The following KIF13A variants were observed in gnomAD, a reference collection of about 807,000 sequenced individuals.
KIF13A encodes the protein kinesin family member 13A, also known as kinesin-like protein KIF13A.
KIF13A carries 79 observed loss-of-function variants against 212.2 expected under a neutral mutation model. The observed-to-expected ratio is 0.37, with a 90% CI of 0.31 to 0.45. The LOEUF (loss-of-function observed/expected upper bound fraction) is 0.45, where lower values mean the gene tolerates loss of function less well. Ranked by LOEUF, KIF13A falls within the 20% of genes least tolerant of loss-of-function variation. The pLI, the probability that KIF13A is intolerant of heterozygous loss-of-function variation, is 1.00. For synonymous variants in KIF13A, 789 were observed against 808.6 expected (o/e 0.98, Z 0.41); for missense variants, 1,901 against 2,209.0 (o/e 0.86, Z 2.79).
chr6:17,875,456 C>CTTTTT (rs758607280), intron 3 of KIF13A, among the ~76,000 whole-genome samples: 36 of 137,148 alleles, frequency 2.6e-4, no homozygotes, highest in African/African-American at 9.5e-4. Context: ...TTTTCTTTTC[C>CTTTTT]TTTTTTTTTT....
chr6:17,859,638 A>ATATATATTTTTTTTTTTTTTTTTTT (rs1461455926), intron 4 of KIF13A, among the ~76,000 whole-genome samples: 1 of 111,858 alleles, frequency 8.9e-6, no homozygotes, highest in Non-Finnish European at 1.8e-5. Flanking sequence ...ATATATATAT[A>ATATATATTTTTTTTTTTTTTTTTTT]TTTTTTTTTT....
chr6:17,874,252 T>C (rs1770283916), intron 3 of KIF13A, among the ~76,000 whole-genome samples: 2 of 149,808 alleles, frequency 1.3e-5, no homozygotes, highest in African/African-American at 2.4e-5. Flanking sequence ...GCAGGCAATC[T>C]CCAGCAAAGC....
chr6:17,860,885 C>A (rs1395911031), intron 4 of KIF13A, among the ~76,000 whole-genome samples: 1 of 152,076 alleles, frequency 6.6e-6, no homozygotes, highest in Non-Finnish European at 1.5e-5. Context: ...ATAAATGCGT[C>A]AACACACTAT....
At position 17,898,495 on chromosome 6, in the gene KIF13A, AG is replaced by A. The variant is rs1313052025; in HGVS notation, c.147-316del. Among the ~76,000 whole-genome samples the A allele has an allele frequency of 2.6e-5, 4 of 152,222 alleles. No homozygotes were observed. The highest frequency in any genetic ancestry group is 5.9e-5 in the Non-Finnish European group (4 of 68,040). ...AAGAAATGCCAAAGGAAGAGCATCA[AG>A]ATAAAGAAAGATGCCACAATCCTTA... On this transcript the variant is annotated intron_variant, in intron 2 of 38. Coordinates refer to ENST00000259711, the MANE Select transcript of KIF13A (RefSeq NM_022113.6). The surrounding 1 kb of genome is among the most constrained non-coding windows in gnomAD (Gnocchi z 5.2).
At chr6:17,977,114 C>CAAAAAAAAAAAAAAAAAAA (rs398000718) in intron 2 of KIF13A, among the ~76,000 whole-genome samples, 4 of 106,698 alleles carry the variant, frequency 3.7e-5, no homozygotes, top group African/African-American at 3.3e-5. Flanking sequence ...AAAACAACAA[C>CAAAAAAAAAAAAAAAAAAA]AAAAAAAAAA....
At chr6:17,780,109 T>C (rs1475281310) in intron 31 of KIF13A, among the ~76,000 whole-genome samples, 2 of 152,214 alleles carry the variant, frequency 1.3e-5, no homozygotes, top group Admixed American at 1.3e-4. Context: ...AAATGCAGAA[T>C]ACTCAGCATA....
chr6:17,799,019 T>A lies in KIF13A; in HGVS notation c.2790+247A>T, dbSNP rs1762268688. 6.6e-6 allele frequency among the ~76,000 whole-genome samples: 1 copy of A among 152,244 alleles called. No individual in the cohort carries two copies. Among genetic ancestry groups the A allele is most frequent in the Non-Finnish European group, 1.5e-5 (1 of 68,046 alleles). On this transcript the variant is annotated intron_variant, in intron 22 of 38. Coordinates refer to ENST00000259711, the MANE Select transcript of KIF13A (RefSeq NM_022113.6). This position sits in a 1 kb window ranked among gnomAD's most constrained non-coding sequence, Gnocchi z 4.4. ...ATGCAGAGCATAGAAAGTAGTTTAA[T>A]GAAATATGTAGCAACCTGTCACTGG...
Position 17,764,998 on chromosome 6 carries a change from G to GGTTT in KIF13A, c.4582-53_4582-52insAAAC, listed in dbSNP as rs1581840886. The GGTTT allele has an allele frequency of 1.5e-6, 2 of 1,337,470 alleles. No homozygotes were observed. The highest frequency in any genetic ancestry group is 4.8e-5 in the East Asian group (2 of 41,706). The allele number at this position is 1,337,470 out of a possible 1,614,324, so 82.9% of individuals were successfully genotyped here. On this transcript the variant is annotated intron_variant, in intron 38 of 38. Coordinates refer to ENST00000259711, the MANE Select transcript of KIF13A (RefSeq NM_022113.6). This position sits in a 1 kb window ranked among gnomAD's most constrained non-coding sequence, Gnocchi z 5.1. ...ATTAGCTCCTTGTAGCAACTGTACTGTTGAGACAAGTTTTAAATACTTGGC... is the reference window on the plus strand; with the variant it reads ...ATTAGCTCCTTGTAGCAACTGTACTGGTTTTTGAGACAAGTTTTAAATACTTGGC...
chr6:17,923,153 A>AT (rs1399874097), intron 2 of KIF13A, among the ~76,000 whole-genome samples: 2 of 151,918 alleles, frequency 1.3e-5, no homozygotes, highest in Non-Finnish European at 2.9e-5. Flanking sequence ...AGGTGCCTGT[A>AT]TTCCCAGTTA....
In KIF13A at chr6:17,883,631, G is replaced by A. The variant is rs1771281495; in HGVS notation, c.160-10194C>T. Among the ~76,000 whole-genome samples the A allele has an allele frequency of 6.6e-6, 1 of 152,154 alleles. No individual in the cohort carries two copies. The highest frequency in any genetic ancestry group is 1.5e-5 in the Non-Finnish European group (1 of 68,034). The stretch of plus-strand genomic sequence containing the variant: ...CCACTGCTTTCCCAAAAAGACATAA[G>A]AAATGACCCTATTCATCTGTATATT... On this transcript the variant is annotated intron_variant, in intron 3 of 38. Coordinates refer to ENST00000259711, the MANE Select transcript of KIF13A (RefSeq NM_022113.6). The surrounding 1 kb of genome is among the most constrained non-coding windows in gnomAD (Gnocchi z 4.8).
intron 2 of KIF13A, among the ~76,000 whole-genome samples, chr6:17,979,767 GA>G (rs775604671): frequency 5.4e-4 from 72 of 132,992 alleles, no homozygotes; most frequent in East Asian, 6.5e-4. Context: ...AAGATGGTTT[GA>G]AAAAAAAAAA....
At chr6:17,760,757 C>A, downstream of KIF13A, 1 of 1,253,262 alleles carries the variant, frequency 8.0e-7, no homozygotes, top group Non-Finnish European at 1.2e-6. Context: ...GAGGTCCAGC[C>A]AGGCGGCAGC....
intron 3 of KIF13A, among the ~76,000 whole-genome samples, chr6:17,880,800 TG>T (rs1180299211): frequency 6.6e-6 from 1 of 152,046 alleles, no homozygotes; most frequent in Non-Finnish European, 1.5e-5. Context: ...TTGCTGTTGT[TG>T]CAAAGATGGG....
chr6:17,852,730 A>C (rs1490144452), intron 6 of KIF13A, among the ~76,000 whole-genome samples: 1 of 152,212 alleles, frequency 6.6e-6, no homozygotes, highest in Non-Finnish European at 1.5e-5. Context: ...AAATTTTTGA[A>C]TTACTAGTAG....
In KIF13A at chr6:17,837,485, G is replaced by A; in HGVS notation, c.929C>T (p.Thr310Ile). 1 of 1,604,702 alleles carries A rather than the reference G, an allele frequency of 6.2e-7. No individual in the cohort carries two copies. Among genetic ancestry groups the A allele is most frequent in the East Asian group, 2.2e-5 (1 of 44,712 alleles). The stretch of plus-strand genomic sequence containing the variant: ...GCAATGGATTACCTTAAGCAGCCAA[G>A]TGAGGACTGAATCTCGATAAGGCAC... ...KFVPYRDSVL[T>I]WLLKDNLGGN... The change falls in exon 10 of 39, where the codon ACT becomes ATT. Residue 310 changes from threonine to isoleucine, a missense_variant. Thr to Ile is a moderately conservative substitution (Grantham distance 89). Around this residue, in one of 5 missense-constraint regions of KIF13A, gnomAD observed 506 missense variants for 637.4 expected, o/e 0.79. Transcript: ENST00000259711. The surrounding 1 kb of genome is among the most constrained non-coding windows in gnomAD (Gnocchi z 5.4).
intron 4 of KIF13A, among the ~76,000 whole-genome samples, chr6:17,870,950 C>T (rs1163100906): frequency 6.6e-6 from 1 of 152,200 alleles, no homozygotes; most frequent in South Asian, 2.1e-4. Flanking sequence ...GCCATTTTTA[C>T]TTTCTTCCAT....
chr6:17,797,220 G>A (rs1581957059), intron 22 of KIF13A, among the ~76,000 whole-genome samples: 1 of 151,860 alleles, frequency 6.6e-6, no homozygotes, highest in African/African-American at 2.4e-5. Context: ...TAGTAGAGAC[G>A]GGGTTTCACC....
chr6:17,892,329 C>T lies in KIF13A; in HGVS notation c.159+5839G>A, dbSNP rs929621023. On this transcript the variant is annotated intron_variant, in intron 3 of 38. Transcript: ENST00000259711. The surrounding 1 kb of genome is among the most constrained non-coding windows in gnomAD (Gnocchi z 4.7). ...CTCTTTCCTGCTCTAATGGGCACTG[C>T]TCCTGTGCAAACCCTTATTTCCTTT... 6.6e-6 allele frequency among the ~76,000 whole-genome samples: 1 copy of T among 152,216 alleles called. No homozygotes were observed. The highest frequency in any genetic ancestry group is 1.5e-5 in the Non-Finnish European group (1 of 68,034).
Position 17,915,392 on chromosome 6 carries a change from T to C in KIF13A, c.147-17212A>G, listed in dbSNP as rs1774405515. On this transcript the variant is annotated intron_variant, in intron 2 of 38. Transcript: ENST00000259711. This position sits in a 1 kb window ranked among gnomAD's most constrained non-coding sequence, Gnocchi z 4.4. The stretch of plus-strand genomic sequence containing the variant: ...TGGGGTTAAGTGAATTAACATATTA[T>C]AAAGCTTTTAAAAGCAGCAGAGTAA... Among the ~76,000 whole-genome samples, 2 of 152,310 alleles carry C rather than the reference T, an allele frequency of 1.3e-5. No individual in the cohort carries two copies. Among genetic ancestry groups the C allele is most frequent in the South Asian group, 2.1e-4 (1 of 4,822 alleles).
Sources: allele counts gnomAD v4.1 joint callset (sites outside exome capture counted in the v4.1 genomes callset), GRCh38; gene constraint gnomAD v4.1.1; regional missense constraint gnomAD v4.1.1; non-coding constraint Gnocchi (gnomAD v3.1); transcripts MANE v1.5; gene names NCBI Gene and HGNC (gene_info 2026-07-23, HGNC 2026-07-21).